Variants in LAMC1 observed in about 807,000 individuals in gnomAD.
LAMC1 encodes the protein laminin subunit gamma 1, also known as laminin subunit gamma-1.
LAMC1 carries 38 observed loss-of-function variants against 173.6 expected under a neutral mutation model. The observed-to-expected ratio is 0.22, with a 90% CI of 0.17 to 0.29. LAMC1 has a LOEUF of 0.29. Ranked by LOEUF, LAMC1 falls within the 10% of genes least tolerant of loss-of-function variation. The pLI, the probability that LAMC1 is intolerant of heterozygous loss-of-function variation, is 1.00. For synonymous variants in LAMC1, 746 were observed against 749.1 expected (o/e 1.00, Z 0.07); for missense variants, 1,824 against 2,051.8 (o/e 0.89, Z 2.14).
At chr1:183,077,981 T>C (rs1172837593) in intron 1 of LAMC1, among the ~76,000 whole-genome samples, 1 of 151,890 alleles carries the variant, frequency 6.6e-6, no homozygotes. Context: ...ATTTTTCTTA[T>C]CCCTTAAAAG....
At chr1:183,123,190 A>C (rs1444869303) in intron 13 of LAMC1, among the ~76,000 whole-genome samples, 1 of 152,074 alleles carries the variant, frequency 6.6e-6, no homozygotes, top group Admixed American at 6.6e-5. Context: ...TACTTGATTC[A>C]TCTTCCTTTC....
intron 1 of LAMC1, among the ~76,000 whole-genome samples, chr1:183,033,514 G>A (rs1003360922): frequency 3.3e-5 from 5 of 152,158 alleles, no homozygotes; most frequent in South Asian, 2.1e-4. Context: ...ACAATATCTG[G>A]TGCTTAGGTA....
In LAMC1 at chr1:183,124,821, C is replaced by T. The variant is rs901188129; in HGVS notation, c.2592C>T (p.Cys864=). ...CTGCTGGCTTCTATTGTGACCGGTG[C>T]AAAGACGGATTTTTTGGAAATCCCC... ...YNTAGFYCDR[C]KDGFFGNPLA... is the part of the protein sequence containing the mutation. The change falls in exon 14 of 28, where the codon TGC becomes TGT. Residue 864 remains cysteine (C), a synonymous_variant. Coordinates refer to ENST00000258341, the MANE Select transcript of LAMC1 (RefSeq NM_002293.4). 2 of 1,614,184 alleles carry T rather than the reference C, an allele frequency of 1.2e-6. No homozygotes were observed. The highest frequency in any genetic ancestry group is 1.7e-6 in the Non-Finnish European group (2 of 1,180,022).
rs186459996 is a variant in LAMC1 at position 183,144,892 on chromosome 1, C to G, written c.*2102C>G. 6.6e-6 allele frequency: 1 copy of G among 152,272 alleles called. No individual in the cohort carries two copies. The highest frequency in any genetic ancestry group is 1.9e-4 in the East Asian group (1 of 5,186). The allele number at this position is 152,272 out of a possible 1,614,324, so 9.4% of individuals were successfully genotyped here. ...CCTGTTTCCATCTGCTTGGGATATA[C>G]CAGAGTTTACCACAAGTGTTTTGAC... On this transcript the variant is annotated 3_prime_UTR_variant, in exon 28 of 28. Transcript: ENST00000258341.
intron 26 of LAMC1, among the ~76,000 whole-genome samples, chr1:183,139,135 G>C (rs995220848): frequency 3.3e-5 from 5 of 152,152 alleles, no homozygotes; most frequent in African/African-American, 1.2e-4. Context: ...AGAAACATTA[G>C]ATTTAAAGCA....
In LAMC1 at chr1:183,128,766, C is replaced by T. The variant is rs764675956; in HGVS notation, c.3280+16C>T. 3 of 1,591,502 alleles carry T rather than the reference C, an allele frequency of 1.9e-6. No homozygotes were observed. Among genetic ancestry groups the T allele is most frequent in the African/African-American group, 1.3e-5 (1 of 74,806 alleles). On this transcript the variant is annotated intron_variant, in intron 18 of 27. Coordinates refer to ENST00000258341, the MANE Select transcript of LAMC1 (RefSeq NM_002293.4). ...GATGTCAAAGGTACGCATGATTGAACAGTGCATGACTTCTGTGAGATGGAC... is the reference window on the plus strand; with the variant it reads ...GATGTCAAAGGTACGCATGATTGAATAGTGCATGACTTCTGTGAGATGGAC...
chr1:183,085,575 G>A (rs1385724278), intron 1 of LAMC1, among the ~76,000 whole-genome samples: 4 of 151,140 alleles, frequency 2.6e-5, no homozygotes, highest in Non-Finnish European at 4.4e-5. Context: ...TACCATTGTT[G>A]CCCAGGCTTG....
chr1:183,067,485 T>C (rs548095532), intron 1 of LAMC1, among the ~76,000 whole-genome samples: 4 of 152,054 alleles, frequency 2.6e-5, no homozygotes, highest in Admixed American at 2.0e-4. Context: ...TTTGTTGTTG[T>C]TGTTGTTGTT....
At chr1:183,137,890 C>A (rs1656992544) in intron 26 of LAMC1, 63 bp downstream of exon 26, 1 of 1,352,884 alleles carries the variant, frequency 7.4e-7, no homozygotes, top group Non-Finnish European at 9.8e-7. Context: ...AATAAAGATC[C>A]CCCACTTGTT....
In LAMC1 at chr1:183,127,213, C is replaced by A; in HGVS notation, c.2945-13C>A. The A allele has an allele frequency of 6.2e-7, 1 of 1,612,120 alleles. No homozygotes were observed. On this transcript the variant is annotated splice_polypyrimidine_tract_variant and intron_variant, in intron 16 of 27. Coordinates refer to ENST00000258341, the MANE Select transcript of LAMC1 (RefSeq NM_002293.4). ...TTTTGCTAATTATGTATTATTTTCTCCTTATTCTGCAGCCTGTGACTGTCA... is the reference window on the plus strand; with the variant it reads ...TTTTGCTAATTATGTATTATTTTCTACTTATTCTGCAGCCTGTGACTGTCA...
intron 1 of LAMC1, among the ~76,000 whole-genome samples, chr1:183,070,030 A>T (rs1654975298): frequency 6.6e-6 from 1 of 152,220 alleles, no homozygotes; most frequent in Admixed American, 6.5e-5. Flanking sequence ...TTCATAAATG[A>T]TTACTCAAAG....
At chr1:183,133,042 C>T (rs1042127767) in intron 21 of LAMC1, among the ~76,000 whole-genome samples, 2 of 152,104 alleles carry the variant, frequency 1.3e-5, no homozygotes, top group Admixed American at 6.6e-5. Context: ...TCCTGAGTAG[C>T]TGGGATTACA....
chr1:183,117,434 T>C lies in LAMC1; in HGVS notation c.1679T>C (p.Ile560Thr). Residue 560 changes from isoleucine (I) to threonine (T), a missense_variant, in exon 9 of 28, where the codon ATT becomes ACT. Coordinates refer to ENST00000258341, the MANE Select transcript of LAMC1 (RefSeq NM_002293.4). Reference protein sequence around the residue: ...ISDSYFPRYFIAPAKFLGKQV... With the variant: ...ISDSYFPRYFTAPAKFLGKQV... ...GACAGCTACTTTCCTCGGTACTTCATTGCTCCTGGTAAGTAAGGCTAGAAA... is the reference window on the plus strand; with the variant it reads ...GACAGCTACTTTCCTCGGTACTTCACTGCTCCTGGTAAGTAAGGCTAGAAA... 1 of 1,613,370 alleles carries C rather than the reference T, an allele frequency of 6.2e-7. No homozygotes were observed. Among genetic ancestry groups the C allele is most frequent in the South Asian group, 1.1e-5 (1 of 91,034 alleles).
chr1:183,069,760 T>G (rs975497782), intron 1 of LAMC1, among the ~76,000 whole-genome samples: 1 of 152,230 alleles, frequency 6.6e-6, no homozygotes, highest in Non-Finnish European at 1.5e-5. Flanking sequence ...AGGGGAGAGC[T>G]GGGTGCTCCT....
intron 27 of LAMC1, among the ~76,000 whole-genome samples, chr1:183,141,735 A>G (rs1044490161): frequency 3.3e-5 from 5 of 152,360 alleles, no homozygotes; most frequent in Non-Finnish European, 7.3e-5. Context: ...TAGAAGAGAA[A>G]GCTTTTTGTG....
chr1:183,031,207 C>T (rs1329151745), intron 1 of LAMC1, among the ~76,000 whole-genome samples: 4 of 152,138 alleles, frequency 2.6e-5, no homozygotes, highest in Non-Finnish European at 5.9e-5. Context: ...ATGTAGAGTA[C>T]GGTATAGCCC....
intron 21 of LAMC1, 106 bp from the exon 22 acceptor site, chr1:183,133,300 C>G: frequency 2.2e-6 from 2 of 894,702 alleles, no homozygotes; most frequent in Non-Finnish European, 3.4e-6. Context: ...TGTAGCATTT[C>G]CTTTGAGGTT....
chr1:183,114,931 G>T (rs1342343660), intron 5 of LAMC1, among the ~76,000 whole-genome samples: 1 of 152,126 alleles, frequency 6.6e-6, no homozygotes, highest in African/African-American at 2.4e-5. Context: ...TGTAAGAGGG[G>T]GGTGGTGGCC....
At chr1:183,048,973 A>G (rs1488251932) in intron 1 of LAMC1, among the ~76,000 whole-genome samples, 1 of 152,170 alleles carries the variant, frequency 6.6e-6, no homozygotes, top group Non-Finnish European at 1.5e-5. Flanking sequence ...TGTCTCACCA[A>G]CTGGAGATAT....
Sources: allele counts gnomAD v4.1 joint callset (sites outside exome capture counted in the v4.1 genomes callset), GRCh38; gene constraint gnomAD v4.1.1; transcripts MANE v1.5; gene names NCBI Gene and HGNC (gene_info 2026-07-23, HGNC 2026-07-21).